Variants in LRFN2 observed in about 807,000 individuals in gnomAD.
LRFN2 encodes leucine rich repeat and fibronectin type III domain containing 2.
LRFN2 carries 18 observed loss-of-function variants against 37.3 expected under a neutral mutation model. That is an observed-to-expected ratio of 0.48 (90% CI 0.33 to 0.72). The LOEUF (loss-of-function observed/expected upper bound fraction) is 0.72. LRFN2 is among the 30% of genes least tolerant of loss of function. The pLI is 0.02. For synonymous variants in LRFN2, 556 were observed against 466.6 expected, an observed-to-expected ratio of 1.19 and a Z score of -2.47; for missense variants, 1,006 against 1,060.7, an observed-to-expected ratio of 0.95 and a Z score of 0.72.
intron 1 of LRFN2, among the ~76,000 whole-genome samples, chr6:40,517,861 C>T (rs1765928898): frequency 6.6e-6 from 1 of 152,140 alleles, no homozygotes; most frequent in Non-Finnish European, 1.5e-5. Flanking sequence ...GACAATTTGG[C>T]AATGACAACA....
intron 1 of LRFN2, among the ~76,000 whole-genome samples, chr6:40,487,396 A>G (rs929282670): frequency 5.9e-5 from 9 of 152,152 alleles, no homozygotes; most frequent in African/African-American, 2.2e-4. Context: ...GGGGTGCCTC[A>G]CAGGTGCTCC....
intron 2 of LRFN2, among the ~76,000 whole-genome samples, chr6:40,416,699 G>A (rs186489534): frequency 8.5e-5 from 13 of 152,190 alleles, no homozygotes; most frequent in African/African-American, 3.1e-4. Context: ...TGAGCTTTGA[G>A]GTCACCTCGT....
intron 1 of LRFN2, among the ~76,000 whole-genome samples, chr6:40,454,828 C>T (rs1248152672): frequency 6.6e-6 from 1 of 152,124 alleles, no homozygotes; most frequent in Non-Finnish European, 1.5e-5. Context: ...TATAGCTTAC[C>T]CATATGTGAA....
intron 1 of LRFN2, among the ~76,000 whole-genome samples, chr6:40,499,190 C>T (rs938180544): frequency 1.3e-5 from 2 of 152,188 alleles, no homozygotes; most frequent in Non-Finnish European, 2.9e-5. Context: ...TCATCTCCAT[C>T]CCTCCCTATT....
At chr6:40,436,451 T>C (rs1330793910) in intron 1 of LRFN2, among the ~76,000 whole-genome samples, 3 of 152,202 alleles carry the variant, frequency 2.0e-5, no homozygotes, top group Non-Finnish European at 4.4e-5. Context: ...TATCTTGTCC[T>C]TTACAGAAAG....
chr6:40,539,617 C>G (rs1311863566), intron 1 of LRFN2, among the ~76,000 whole-genome samples: 1 of 152,190 alleles, frequency 6.6e-6, no homozygotes, highest in African/African-American at 2.4e-5. Flanking sequence ...AGGTGGGAGG[C>G]ACATCCCAAG....
At chr6:40,502,420 G>C (rs1229369100) in intron 1 of LRFN2, 3 of 152,188 alleles carry the variant, frequency 2.0e-5, no homozygotes, top group South Asian at 2.1e-4. Flanking sequence ...AGACACGAAG[G>C]CTGAAGTTAC....
At chr6:40,454,240 G>A (rs1253771833) in intron 1 of LRFN2, among the ~76,000 whole-genome samples, 1 of 152,186 alleles carries the variant, frequency 6.6e-6, no homozygotes, top group African/African-American at 2.4e-5. Flanking sequence ...AACAAACACA[G>A]CCAAACACTG....
At chr6:40,504,939 C>A (rs1020638326) in intron 1 of LRFN2, among the ~76,000 whole-genome samples, 29 of 152,368 alleles carry the variant, frequency 1.9e-4, no homozygotes, top group Non-Finnish European at 2.6e-4. Context: ...AACTGCCCTC[C>A]TTTGCTGGAT....
rs551757722 is a variant in LRFN2 at position 40,513,321 on chromosome 6, C to A, written c.-19+73620G>T. ...AGATCTTGGCTCACTACAACCTCTGCCTCCCGGATTCAAGCAACTCTCCTG... is the reference window on the plus strand; with the variant it reads ...AGATCTTGGCTCACTACAACCTCTGACTCCCGGATTCAAGCAACTCTCCTG... On this transcript the variant is annotated intron_variant, in intron 1 of 2. Coordinates refer to ENST00000338305, the MANE Select transcript of LRFN2 (RefSeq NM_020737.3). Among the ~76,000 whole-genome samples, 111 of 152,018 alleles carry A rather than the reference C, an allele frequency of 7.3e-4. 1 individual carries two copies. The highest frequency in any genetic ancestry group is 2.4e-3 in the African/African-American group (101 of 41,464).
chr6:40,490,998 G>A (rs1765079548), intron 1 of LRFN2, among the ~76,000 whole-genome samples: 1 of 152,184 alleles, frequency 6.6e-6, no homozygotes, highest in Admixed American at 6.5e-5. Context: ...CAGCCAGGAG[G>A]CCACTGTGGC....
intron 1 of LRFN2, among the ~76,000 whole-genome samples, chr6:40,520,503 G>T (rs1336267064): frequency 2.0e-5 from 3 of 152,174 alleles, no homozygotes; most frequent in African/African-American, 7.2e-5. Flanking sequence ...TTGCAGACTT[G>T]GGTCCCACCT....
chr6:40,527,575 C>G (rs1766275910), intron 1 of LRFN2, among the ~76,000 whole-genome samples: 1 of 151,970 alleles, frequency 6.6e-6, no homozygotes, highest in African/African-American at 2.4e-5. Flanking sequence ...GATATGTCAG[C>G]CTGAAATATA....
chr6:40,428,284 C>T (rs551557317), intron 2 of LRFN2, among the ~76,000 whole-genome samples: 12 of 152,176 alleles, frequency 7.9e-5, no homozygotes, highest in Non-Finnish European at 1.5e-4. Flanking sequence ...ACCTCTTTCC[C>T]AATCAACATT....
intron 1 of LRFN2, among the ~76,000 whole-genome samples, chr6:40,439,663 T>C (rs1403398998): frequency 6.6e-6 from 1 of 152,192 alleles, no homozygotes; most frequent in African/African-American, 2.4e-5. Context: ...AGTGACATTC[T>C]GAGGTTTCAT....
At chr6:40,555,040 T>C (rs1027879713) in intron 1 of LRFN2, among the ~76,000 whole-genome samples, 1 of 152,258 alleles carries the variant, frequency 6.6e-6, no homozygotes, top group Non-Finnish European at 1.5e-5. Context: ...CTGTCCTCTT[T>C]ACAATTGGTT....
intron 2 of LRFN2, among the ~76,000 whole-genome samples, chr6:40,431,299 C>T (rs1470250883): frequency 6.6e-6 from 1 of 152,316 alleles, no homozygotes; most frequent in African/African-American, 2.4e-5. Context: ...AGAGCCTTAA[C>T]CATGACTGCA....
At chr6:40,439,113 G>A (rs1763768316) in intron 1 of LRFN2, among the ~76,000 whole-genome samples, 1 of 152,094 alleles carries the variant, frequency 6.6e-6, no homozygotes, top group African/African-American at 2.4e-5. Flanking sequence ...AGCTGTTCCA[G>A]ACAGAAGAGG....
intron 1 of LRFN2, among the ~76,000 whole-genome samples, chr6:40,475,848 G>C (rs1764699547): frequency 6.6e-6 from 1 of 152,184 alleles, no homozygotes; most frequent in African/African-American, 2.4e-5. Flanking sequence ...CTTCAGAGAG[G>C]ATGGGTGAAT....
Sources: allele counts gnomAD v4.1 joint callset (sites outside exome capture counted in the v4.1 genomes callset), GRCh38; gene constraint gnomAD v4.1.1; transcripts MANE v1.5; gene names NCBI Gene and HGNC (gene_info 2026-07-23, HGNC 2026-07-21).